Variants in MDGA2 observed in about 807,000 individuals in gnomAD.
The protein encoded by MDGA2 is MAM domain containing glycosylphosphatidylinositol anchor 2, also known as MAM domain-containing glycosylphosphatidylinositol anchor protein 2.
Under a neutral mutation model 117.8 loss-of-function variants are expected in MDGA2, and 40 were observed. That is an observed-to-expected ratio of 0.34 (90% CI 0.26 to 0.44). MDGA2 has a LOEUF of 0.44. Ranked by LOEUF, MDGA2 falls within the 20% of genes least tolerant of loss-of-function variation. The pLI, the probability that MDGA2 is intolerant of heterozygous loss-of-function variation, is 1.00. For missense variants in MDGA2, 1,123 were observed against 1,250.6 expected, an observed-to-expected ratio of 0.90 and a Z score of 1.54; for synonymous variants, 452 against 439.0, an observed-to-expected ratio of 1.03 and a Z score of -0.37.
intron 2 of MDGA2, among the ~76,000 whole-genome samples, chr14:47,249,518 G>A (rs1341412322): frequency 6.6e-6 from 1 of 152,044 alleles, no homozygotes; most frequent in East Asian, 1.9e-4. Flanking sequence ...AAGAGATGTG[G>A]TTTTGCCATG....
At chr14:47,588,427 T>A (rs1049123332) in intron 1 of MDGA2, among the ~76,000 whole-genome samples, 1 of 151,766 alleles carries the variant, frequency 6.6e-6, no homozygotes, top group African/African-American at 2.4e-5. Context: ...TTGCTATTGT[T>A]CATCATTTTC....
chr14:47,357,861 C>A (rs1055538716), intron 1 of MDGA2, among the ~76,000 whole-genome samples: 4 of 152,182 alleles, frequency 2.6e-5, no homozygotes, highest in Non-Finnish European at 5.9e-5. Flanking sequence ...TTTCACTCTT[C>A]TAACTTTAGG....
At chr14:47,454,196 T>C (rs1270899998) in intron 1 of MDGA2, among the ~76,000 whole-genome samples, 1 of 152,200 alleles carries the variant, frequency 6.6e-6, no homozygotes, top group Non-Finnish European at 1.5e-5. Context: ...CTTCATCTCA[T>C]CCAGGGAGGT....
chr14:47,021,821 T>C (rs1267265256), intron 8 of MDGA2, among the ~76,000 whole-genome samples: 2 of 152,186 alleles, frequency 1.3e-5, no homozygotes, highest in East Asian at 3.9e-4. Flanking sequence ...CAATTAAAAT[T>C]GGCACTGCTA....
At chr14:47,153,496 T>G (rs555462613) in intron 3 of MDGA2, among the ~76,000 whole-genome samples, 1 of 152,024 alleles carries the variant, frequency 6.6e-6, no homozygotes, top group Non-Finnish European at 1.5e-5. Flanking sequence ...GTAAGAAAGT[T>G]GAGTTCTGTT....
chr14:47,338,747 G>T (rs1232322923), intron 1 of MDGA2, among the ~76,000 whole-genome samples: 2 of 151,990 alleles, frequency 1.3e-5, no homozygotes, highest in African/African-American at 4.8e-5. Context: ...TTCAGATAAG[G>T]CTATTTCACA....
intron 10 of MDGA2, among the ~76,000 whole-genome samples, chr14:46,889,206 T>C (rs375404657): frequency 1.9e-4 from 29 of 152,208 alleles, no homozygotes; most frequent in African/African-American, 7.0e-4. Context: ...TTCAACTAAT[T>C]ATATAACTTT....
At chr14:47,068,005 G>A (rs945018744) in intron 6 of MDGA2, among the ~76,000 whole-genome samples, 2 of 151,946 alleles carry the variant, frequency 1.3e-5, no homozygotes, top group Admixed American at 6.6e-5. Flanking sequence ...ACAAAAATAC[G>A]TTACACCCTT....
At chr14:47,065,131 A>C (rs1408627704) in intron 6 of MDGA2, among the ~76,000 whole-genome samples, 1 of 152,144 alleles carries the variant, frequency 6.6e-6, no homozygotes, top group Non-Finnish European at 1.5e-5. Flanking sequence ...AGTGCATGTA[A>C]AAGATTGGCA....
At chr14:47,005,372 G>A (rs1054217831) in intron 8 of MDGA2, among the ~76,000 whole-genome samples, 5 of 151,354 alleles carry the variant, frequency 3.3e-5, no homozygotes, top group Admixed American at 1.3e-4. Context: ...AGAAGCATAC[G>A]GATTTTTTTC....
chr14:47,016,042 A>C (rs1474698560), intron 8 of MDGA2, among the ~76,000 whole-genome samples: 1 of 152,066 alleles, frequency 6.6e-6, no homozygotes, highest in African/African-American at 2.4e-5. Flanking sequence ...AGACATAACT[A>C]TGTTATTAGA....
At chr14:47,668,913 CA>C (rs1408197651) in intron 1 of MDGA2, among the ~76,000 whole-genome samples, 1 of 152,152 alleles carries the variant, frequency 6.6e-6, no homozygotes, top group East Asian at 1.9e-4. Context: ...TTATAGATTA[CA>C]AACCTTGAGC....
chr14:47,198,646 T>C (rs758582483), intron 3 of MDGA2, among the ~76,000 whole-genome samples: 4 of 152,292 alleles, frequency 2.6e-5, no homozygotes, highest in South Asian at 2.1e-4. Flanking sequence ...AACATTGCAA[T>C]GATGCTATGA....
chr14:47,343,047 G>A lies in MDGA2; in HGVS notation c.281-41497C>T. The A allele has an allele frequency of 4.7e-6, 6 of 1,282,060 alleles. No individual in the cohort carries two copies. The South Asian group carries it at 7.4e-5, about 16-fold the overall frequency. 79.4% of individuals were successfully genotyped at this position (1,282,060 alleles called of 1,614,324 possible). A position where few individuals can be genotyped will look rare whatever the true frequency, so the allele number is the denominator to read the frequency against. ...TGGGAGAAGCAGGCAGCACTACCGTGAGTCCTGCGGCAGATCCCAAGGGAT... is the reference window on the plus strand; with the variant it reads ...TGGGAGAAGCAGGCAGCACTACCGTAAGTCCTGCGGCAGATCCCAAGGGAT... On this transcript the variant is annotated intron_variant, in intron 1 of 16. Transcript: ENST00000399232.
At position 46,955,564 on chromosome 14, in the gene MDGA2, T is replaced by C. The variant is rs77676651; in HGVS notation, c.2089+1810A>G. On this transcript the variant is annotated intron_variant, in intron 9 of 16. Coordinates refer to ENST00000399232, the MANE Select transcript of MDGA2 (RefSeq NM_001113498.3). The stretch of plus-strand genomic sequence containing the variant: ...AGCAGGAAACTATTTTCACACCCCT[T>C]CTGACATTTAAGTGAACACAACGGT... 9.2e-5 allele frequency among the ~76,000 whole-genome samples: 14 copies of C among 152,188 alleles called. No homozygotes were observed. The East Asian group carries it at 2.5e-3, about 27-fold the overall frequency.
At chr14:47,602,375 T>C (rs894972208) in intron 1 of MDGA2, among the ~76,000 whole-genome samples, 9 of 152,096 alleles carry the variant, frequency 5.9e-5, no homozygotes, top group Non-Finnish European at 1.0e-4. Flanking sequence ...ATGAACAGCA[T>C]TAACTCTGAT....
At chr14:47,383,800 C>T (rs1269078572) in intron 1 of MDGA2, among the ~76,000 whole-genome samples, 1 of 152,142 alleles carries the variant, frequency 6.6e-6, no homozygotes, top group Admixed American at 6.6e-5. Flanking sequence ...GCTGGTATTA[C>T]TGGCGTGAAC....
At chr14:47,304,823 C>A (rs1271985602) in intron 1 of MDGA2, among the ~76,000 whole-genome samples, 1 of 152,088 alleles carries the variant, frequency 6.6e-6, no homozygotes, top group Non-Finnish European at 1.5e-5. Context: ...AGTGAGAATG[C>A]AAAGAACCCT....
At chr14:47,049,344 G>A (rs1889373533) in intron 7 of MDGA2, among the ~76,000 whole-genome samples, 1 of 152,050 alleles carries the variant, frequency 6.6e-6, no homozygotes, top group South Asian at 2.1e-4. Flanking sequence ...AAATCTGTAG[G>A]TTTTCAAGTC....
Sources: gnomAD v4.1 joint callset for allele counts (sites outside exome capture counted in the v4.1 genomes callset) on GRCh38, gnomAD v4.1.1 for gene constraint, MANE v1.5 for transcripts, NCBI Gene and HGNC (gene_info 2026-07-23, HGNC 2026-07-21) for gene names.